The following NPHS2 variants were observed in gnomAD, a reference collection of about 807,000 sequenced individuals.
The protein encoded by NPHS2 is podocin.
A neutral mutation model predicts 37.1 loss-of-function variants in NPHS2; 36 were observed. The observed-to-expected ratio is 0.97, with a 90% CI of 0.74 to 1.28. The LOEUF (loss-of-function observed/expected upper bound fraction) is 1.28. Among genes scored for constraint, NPHS2 ranks in the 50% most tolerant of loss-of-function variants. The pLI is 0.00. For missense variants in NPHS2, 447 were observed against 488.1 expected (o/e 0.92, Z 0.79); for synonymous variants, 196 against 189.3 (o/e 1.04, Z -0.29).
intron 5 of NPHS2, chr1:179,554,798 G>C: frequency 1.9e-6 from 1 of 529,872 alleles, no homozygotes; most frequent in Non-Finnish European, 3.4e-6. Flanking sequence ...CCTGGAATCT[G>C]TGAATGTTAC....
chr1:179,568,224 T>C (rs574701286), intron 1 of NPHS2, among the ~76,000 whole-genome samples: 3 of 152,340 alleles, frequency 2.0e-5, no homozygotes, highest in African/African-American at 7.2e-5. Flanking sequence ...ATTGCCTCAA[T>C]TTCAGAGCCT....
intron 1 of NPHS2, among the ~76,000 whole-genome samples, chr1:179,574,861 G>C (rs915410696): frequency 6.6e-6 from 1 of 152,204 alleles, no homozygotes; most frequent in African/African-American, 2.4e-5. Context: ...AAGCAAAAGA[G>C]ACACCTTTCT....
At chr1:179,560,417 A>G (rs199581133) in intron 3 of NPHS2, among the ~76,000 whole-genome samples, 1 of 152,318 alleles carries the variant, frequency 6.6e-6, no homozygotes, top group East Asian at 1.9e-4. Context: ...AGCACCTCAC[A>G]GAGTCCAGGA....
chr1:179,558,266 A>G (rs12740065), intron 4 of NPHS2, among the ~76,000 whole-genome samples: 24,709 of 152,008 alleles, frequency 0.16, 2,514 homozygotes, highest in East Asian at 0.34. Context: ...TGCAACCACC[A>G]TACTACTTTC....
Position 179,559,942 on chromosome 1 carries a change from A to G in NPHS2, c.452-181T>C, listed in dbSNP as rs73051838. On this transcript the variant is annotated intron_variant, in intron 3 of 7. Coordinates refer to ENST00000367615, the MANE Select transcript of NPHS2 (RefSeq NM_014625.4). Reference sequence around the variant, plus strand: ...AGCACTATTATATATTATAATATGTAATCCAGGACAATAGGTATAAACAGG... The same window carrying G: ...AGCACTATTATATATTATAATATGTGATCCAGGACAATAGGTATAAACAGG... Among the ~76,000 whole-genome samples, 3,757 of 152,258 alleles carry G rather than the reference A, an allele frequency of 0.025. 153 individuals carry two copies. The highest frequency in any genetic ancestry group is 0.086 in the African/African-American group (3,569 of 41,524).
rs1371917639 is a variant in NPHS2 at position 179,560,499 on chromosome 1, T to C, written c.452-738A>G. Among the ~76,000 whole-genome samples the C allele has an allele frequency of 2.0e-5, 3 of 152,114 alleles. No individual in the cohort carries two copies. The East Asian group carries it at 5.8e-4, about 29-fold the overall frequency. On this transcript the variant is annotated intron_variant, in intron 3 of 7. Transcript: ENST00000367615. ...TGAAAACCAGGGCCAGAACAAGATG[T>C]TCTTTGTCCTGGAACTACAGAGTCT...
chr1:179,572,553 T>C (rs1458576597), intron 1 of NPHS2, among the ~76,000 whole-genome samples: 1 of 152,152 alleles, frequency 6.6e-6, no homozygotes, highest in Non-Finnish European at 1.5e-5. Context: ...ATGTGCTCAA[T>C]AAATATTAGT....
intron 1 of NPHS2, among the ~76,000 whole-genome samples, chr1:179,571,191 C>T (rs866223631): frequency 1.3e-5 from 2 of 152,334 alleles, no homozygotes; most frequent in Middle Eastern, 3.4e-3. Context: ...TTCTCCCCAT[C>T]TTTGTGGTTT....
chr1:179,574,008 T>C (rs1674664538), intron 1 of NPHS2, among the ~76,000 whole-genome samples: 2 of 152,146 alleles, frequency 1.3e-5, no homozygotes, highest in African/African-American at 4.8e-5. Context: ...GTAGCCTGCC[T>C]TTGGGAGTGT....
chr1:179,557,930 T>A (rs1340304936), intron 4 of NPHS2, among the ~76,000 whole-genome samples: 1 of 152,198 alleles, frequency 6.6e-6, no homozygotes, highest in Non-Finnish European at 1.5e-5. Flanking sequence ...ATGATATATG[T>A]GTGTATATAT....
chr1:179,554,151 C>T (rs1017699803), intron 6 of NPHS2, among the ~76,000 whole-genome samples: 4 of 152,046 alleles, frequency 2.6e-5, no homozygotes, highest in Non-Finnish European at 5.9e-5. Context: ...TGACCTCAAG[C>T]GATCCACCCA....
intron 1 of NPHS2, among the ~76,000 whole-genome samples, chr1:179,574,298 A>G (rs1050747597): frequency 3.9e-5 from 6 of 152,206 alleles, no homozygotes; most frequent in Admixed American, 6.5e-5. Flanking sequence ...TGGCTTCTCT[A>G]CTTCCCAGCT....
At chr1:179,560,710 T>G (rs1466982601) in intron 3 of NPHS2, among the ~76,000 whole-genome samples, 2 of 152,040 alleles carry the variant, frequency 1.3e-5, no homozygotes, top group Non-Finnish European at 2.9e-5. Flanking sequence ...ACTAAACCTT[T>G]CAGACTGACC....
Position 179,551,463 on chromosome 1 carries a change from G to T in NPHS2, c.874-12C>A. On this transcript the variant is annotated splice_polypyrimidine_tract_variant and intron_variant, in intron 7 of 7. Coordinates refer to ENST00000367615, the MANE Select transcript of NPHS2 (RefSeq NM_014625.4). ...TCTGCAGCAATCATCTAGAAAACAT[G>T]TGACGAAAGCAAAGTGATTGTTCTT... 1 of 1,612,608 alleles carries T rather than the reference G, an allele frequency of 6.2e-7. No individual in the cohort carries two copies. The highest frequency in any genetic ancestry group is 8.5e-7 in the Non-Finnish European group (1 of 1,180,010).
chr1:179,560,430 C>T (rs1379081948), intron 3 of NPHS2, among the ~76,000 whole-genome samples: 1 of 152,180 alleles, frequency 6.6e-6, no homozygotes, highest in Non-Finnish European at 1.5e-5. Context: ...GTCCAGGATA[C>T]TAGTCAGCTA....
chr1:179,564,700 A>C lies in NPHS2; in HGVS notation c.368T>G (p.Phe123Cys). ...IIMTFPFSIW[F>C]CVKVVQEYER... ...CTTATGGAATCTCACCTTTACGCAGAACCAGATGGAAAAAGGGAAGGTCAT... is the reference window on the plus strand; with the variant it reads ...CTTATGGAATCTCACCTTTACGCAGCACCAGATGGAAAAAGGGAAGGTCAT... The change falls in exon 2 of 8, where the codon TTC (phenylalanine) becomes TGC (cysteine). Residue 123 changes from phenylalanine (F) to cysteine (C), a missense_variant. Transcript: ENST00000367615. The C allele has an allele frequency of 6.2e-7, 1 of 1,614,056 alleles. No individual in the cohort carries two copies. The highest frequency in any genetic ancestry group is 1.1e-5 in the South Asian group (1 of 91,080).
intron 2 of NPHS2, 118 bp from the exon 3 acceptor site, chr1:179,561,479 T>A (rs1472473007): frequency 2.7e-6 from 2 of 736,160 alleles, no homozygotes. Context: ...CAGGAAAAAA[T>A]TTCTATTAAT....
intron 4 of NPHS2, among the ~76,000 whole-genome samples, chr1:179,559,433 A>G (rs956626138): frequency 1.2e-4 from 18 of 152,192 alleles, no homozygotes; most frequent in Admixed American, 1.2e-3. Flanking sequence ...GTTGAGATGT[A>G]TGAGTTCTTC....
rs200482683 is a variant in NPHS2, at chr1:179,552,608, C to T, written c.868G>A (p.Val290Met). ...TGGGAGGATGGAGTGCTCACCCGCA[C>T]TTTGGCTTGTCTTTGCGCTTCAGCC... The part of the protein sequence containing the change: ...VEAEAQRQAK[V>M]RMIAAEAEKA... The change falls in exon 7 of 8, where the codon GTG becomes ATG. Residue 290 changes from valine to methionine, a missense_variant. Coordinates refer to ENST00000367615, the MANE Select transcript of NPHS2 (RefSeq NM_014625.4). 239 of 1,613,552 alleles carry T rather than the reference C, an allele frequency of 1.5e-4. No individual in the cohort carries two copies. Among genetic ancestry groups the T allele is most frequent in the Middle Eastern group, 6.6e-4 (4 of 6,082 alleles).
Sources: gnomAD v4.1 joint callset for allele counts (sites outside exome capture counted in the v4.1 genomes callset) on GRCh38, gnomAD v4.1.1 for gene constraint, MANE v1.5 for transcripts, NCBI Gene and HGNC (gene_info 2026-07-23, HGNC 2026-07-21) for gene names.